RAD54L2: variants seen among roughly 807,000 people sequenced by gnomAD.
The protein encoded by RAD54L2 is RAD54 like 2.
In RAD54L2, 27 loss-of-function variants were observed where a neutral mutation model predicts 138.4. The ratio of observed to expected loss-of-function variants is 0.20; its 90% CI spans 0.14 to 0.27. RAD54L2 has a LOEUF of 0.27. Ranked by LOEUF, RAD54L2 falls within the 10% of genes least tolerant of loss-of-function variation. RAD54L2 has a pLI of 1.00. For synonymous variants in RAD54L2, 644 were observed against 723.2 expected, an observed-to-expected ratio of 0.89 and a Z score of 1.76; for missense variants, 1,396 against 1,890.2, an observed-to-expected ratio of 0.74 and a Z score of 4.85.
chr3:51,567,830 T>G (rs1699249447), intron 2 of RAD54L2, among the ~76,000 whole-genome samples: 1 of 151,530 alleles, frequency 6.6e-6, no homozygotes, highest in South Asian at 2.1e-4. Context: ...AAAAAATAAT[T>G]TAGTACAGGA....
intron 2 of RAD54L2, among the ~76,000 whole-genome samples, chr3:51,575,880 CTA>C: frequency 6.6e-6 from 1 of 152,258 alleles, no homozygotes; most frequent in East Asian, 1.9e-4. Context: ...ACTTCCAACA[CTA>C]TGTTGGATAG....
chr3:51,593,770 G>A lies in RAD54L2; in HGVS notation c.139+3211G>A, dbSNP rs79970047. Among the ~76,000 whole-genome samples, 4 of 152,208 alleles carry A rather than the reference G, an allele frequency of 2.6e-5. No homozygotes were observed. In the East Asian group the frequency reaches 7.7e-4, roughly 29 times the overall value. ...CTGTCTTTTGGGTTTGGTGTATTGT[G>A]TTTGTTTTCTTTGTAATTTCTACTT... On this transcript the variant is annotated intron_variant, in intron 3 of 22. Transcript: ENST00000684192.
chr3:51,572,139 C>T (rs1162517909), intron 2 of RAD54L2, among the ~76,000 whole-genome samples: 2 of 152,024 alleles, frequency 1.3e-5, no homozygotes, highest in East Asian at 3.9e-4. Context: ...CATATGTAAC[C>T]GTGATTGGTT....
chr3:51,614,311 G>A lies in RAD54L2; in HGVS notation c.140-13242G>A, dbSNP rs555993850. Among the ~76,000 whole-genome samples, 5 of 152,094 alleles carry A rather than the reference G, an allele frequency of 3.3e-5. 1 individual carries two copies. In the South Asian group the frequency reaches 6.2e-4, roughly 19 times the overall value. Reference sequence around the variant, plus strand: ...CAAGTAGCTATGACTATAGGCATGCGCCACCATGCCCAGCTAATTTTTTTT... The same window carrying A: ...CAAGTAGCTATGACTATAGGCATGCACCACCATGCCCAGCTAATTTTTTTT... On this transcript the variant is annotated intron_variant, in intron 3 of 22. Coordinates refer to ENST00000684192, the MANE Select transcript of RAD54L2 (RefSeq NM_015106.4).
chr3:51,539,783 A>G (rs1429794373), intron 1 of RAD54L2, among the ~76,000 whole-genome samples: 1 of 152,144 alleles, frequency 6.6e-6, no homozygotes, highest in Non-Finnish European at 1.5e-5. Context: ...GGTGACTCAG[A>G]TCTGTTAGGA....
intron 3 of RAD54L2, among the ~76,000 whole-genome samples, chr3:51,627,179 G>A (rs1700712179): frequency 6.6e-6 from 1 of 152,170 alleles, no homozygotes; most frequent in Non-Finnish European, 1.5e-5. Context: ...ATACCACTGG[G>A]TATGAGCTAT....
intron 2 of RAD54L2, 105 bp from the exon 3 acceptor site, chr3:51,590,262 A>G: frequency 3.7e-6 from 3 of 807,368 alleles, no homozygotes; most frequent in Non-Finnish European, 5.5e-6. Context: ...AAGTGCTGGG[A>G]TTACAGGCAT....
chr3:51,595,199 C>A (rs553170182), intron 3 of RAD54L2, among the ~76,000 whole-genome samples: 2 of 152,206 alleles, frequency 1.3e-5, no homozygotes, highest in South Asian at 4.1e-4. Context: ...ATCCATCAGA[C>A]CTTTGACTTC....
At position 51,635,623 on chromosome 3, in the gene RAD54L2, T is replaced by C. The variant is rs968334468; in HGVS notation, c.1173T>C (p.Ala391=). 6.2e-7 allele frequency: 1 copy of C among 1,612,914 alleles called. No individual in the cohort carries two copies. The highest frequency in any genetic ancestry group is 1.3e-5 in the African/African-American group (1 of 74,872). ...KTMASRAKVM[A]DWVSEGGVLL... is the part of the protein sequence containing the mutation. ...TGGCATCTCGTGCTAAAGTGATGGC[T>C]GATTGGGTGTCAGAGGGTGGCGTGC... is the stretch of plus-strand genomic sequence containing the variant. Residue 391 remains alanine (A), a synonymous_variant, in exon 10 of 23, where the codon GCT becomes GCC. Transcript: ENST00000684192.
chr3:51,599,596 A>G (rs1166011988), intron 3 of RAD54L2, among the ~76,000 whole-genome samples: 1 of 151,954 alleles, frequency 6.6e-6, no homozygotes, highest in Non-Finnish European at 1.5e-5. Flanking sequence ...TCTGTCACCC[A>G]GGCTGGAGTG....
chr3:51,565,310 C>T (rs990860284), intron 2 of RAD54L2, among the ~76,000 whole-genome samples: 2 of 151,900 alleles, frequency 1.3e-5, no homozygotes, highest in African/African-American at 4.8e-5. Context: ...ATGGAAGAAT[C>T]GCTTGAGCCT....
intron 2 of RAD54L2, among the ~76,000 whole-genome samples, chr3:51,578,570 G>A (rs1264463415): frequency 6.6e-6 from 1 of 152,194 alleles, no homozygotes; most frequent in African/African-American, 2.4e-5. Flanking sequence ...ACCCCCTCAT[G>A]GGTGGGAACT....
Position 51,630,327 on chromosome 3 carries a change from C to T in RAD54L2, c.537C>T (p.Ala179=). ...CCCAACTGCCTCCTCGGGTCTTGGC[C>T]CAGGAAGTCATTTGTTTGGACAGTA... ...DGPQLPPRVL[A]QEVICLDSSS... Residue 179 remains alanine (A), a synonymous_variant, in exon 6 of 23, where the codon GCC becomes GCT. Transcript: ENST00000684192. 1 of 1,613,938 alleles carries T rather than the reference C, an allele frequency of 6.2e-7. No individual in the cohort carries two copies. The highest frequency in any genetic ancestry group is 1.1e-5 in the South Asian group (1 of 91,078).
intron 2 of RAD54L2, among the ~76,000 whole-genome samples, chr3:51,583,868 G>T (rs1699659952): frequency 6.7e-6 from 1 of 149,686 alleles, no homozygotes; most frequent in African/African-American, 2.5e-5. Context: ...TTTAAACTGG[G>T]GTAGCCTCTT....
intron 3 of RAD54L2, among the ~76,000 whole-genome samples, chr3:51,604,772 G>A (rs1228777428): frequency 6.6e-6 from 1 of 152,152 alleles, no homozygotes; most frequent in African/African-American, 2.4e-5. Flanking sequence ...GGACATGACT[G>A]GGAATACAAT....
Position 51,639,961 on chromosome 3 carries a change from G to C in RAD54L2, c.2193G>C (p.Glu731Asp). ...PKMVLLFHLI[E>D]ESVKLGDKIL... is the part of the protein sequence containing the mutation. ...TGGTACTGCTTTTCCACCTGATTGA[G>C]GAAAGTGTGAAGCTTGGGGACAAGA... is the stretch of plus-strand genomic sequence containing the variant. Residue 731 changes from glutamate to aspartate, a missense_variant, in exon 14 of 23, where the codon GAG (glutamate) becomes GAC (aspartate). Coordinates refer to ENST00000684192, the MANE Select transcript of RAD54L2 (RefSeq NM_015106.4). 1 of 1,611,376 alleles carries C rather than the reference G, an allele frequency of 6.2e-7. No individual in the cohort carries two copies. The highest frequency in any genetic ancestry group is 8.5e-7 in the Non-Finnish European group (1 of 1,177,960).
At position 51,667,984 on chromosome 3, in the gene RAD54L2, T is replaced by G. The variant is rs1701945797; in HGVS notation, c.*4564T>G. ...AGGTTTGGGTACTCTCTGCTGCCAC[T>G]ACTGGGATGATATTCAGAAGAGAGA... is the stretch of plus-strand genomic sequence containing the variant. On this transcript the variant is annotated 3_prime_UTR_variant, in exon 23 of 23. Coordinates refer to ENST00000684192, the MANE Select transcript of RAD54L2 (RefSeq NM_015106.4). The G allele has an allele frequency of 6.6e-6, 1 of 152,270 alleles. No individual in the cohort carries two copies. Among genetic ancestry groups the G allele is most frequent in the African/African-American group, 2.4e-5 (1 of 41,418 alleles). 9.4% of individuals were successfully genotyped at this position (152,270 alleles called of 1,614,324 possible). A position where few individuals can be genotyped will look rare whatever the true frequency, so the allele number is the denominator to read the frequency against.
intron 2 of RAD54L2, among the ~76,000 whole-genome samples, chr3:51,570,606 G>A (rs889238027): frequency 1.3e-5 from 2 of 151,524 alleles, no homozygotes; most frequent in South Asian, 2.1e-4. Context: ...ACAGGTGCGC[G>A]CCACCACACC....
At chr3:51,636,774 A>T (rs547246474) in intron 10 of RAD54L2, among the ~76,000 whole-genome samples, 14 of 152,174 alleles carry the variant, frequency 9.2e-5, no homozygotes, top group Non-Finnish European at 1.3e-4. Context: ...TCTACTAAAA[A>T]TACAAAAAAT....
Sources: allele counts gnomAD v4.1 joint callset (sites outside exome capture counted in the v4.1 genomes callset), GRCh38; gene constraint gnomAD v4.1.1; transcripts MANE v1.5; gene names NCBI Gene and HGNC (gene_info 2026-07-23, HGNC 2026-07-21).